TGM7: variants seen among roughly 807,000 people sequenced by gnomAD.
The protein encoded by TGM7 is transglutaminase 7.
Under a neutral mutation model 79.5 loss-of-function variants are expected in TGM7, and 74 were observed. The observed-to-expected ratio is 0.93, with a 90% CI of 0.77 to 1.13. The LOEUF (loss-of-function observed/expected upper bound fraction) is 1.13, where lower values mean the gene tolerates loss of function less well. TGM7 is among the 50% of genes most tolerant of loss of function. The pLI is 0.00. For synonymous variants in TGM7, 354 were observed against 362.5 expected (o/e 0.98, Z 0.27); for missense variants, 912 against 905.9 (o/e 1.01, Z -0.09).
intron 11 of TGM7, among the ~76,000 whole-genome samples, chr15:43,277,871 A>G (rs1305009065): frequency 6.6e-6 from 1 of 152,234 alleles, no homozygotes; most frequent in East Asian, 1.9e-4. Flanking sequence ...TTGTACCCTC[A>G]TAAGGGTGTC....
intron 8 of TGM7, 39 bp from the exon 9 acceptor site, chr15:43,282,125 C>T (rs1188821573): frequency 1.2e-6 from 2 of 1,605,858 alleles, no homozygotes; most frequent in Non-Finnish European, 1.7e-6. Flanking sequence ...GGGCCAGGGG[C>T]AGCTGGTTGT....
chr15:43,277,550 C>T (rs139590933), intron 11 of TGM7, among the ~76,000 whole-genome samples: 9 of 152,352 alleles, frequency 5.9e-5, no homozygotes, highest in Admixed American at 1.3e-4. Context: ...TCTTTCCCCA[C>T]GCTGCTGTGT....
Position 43,279,683 on chromosome 15 carries a change from AC to A in TGM7, c.1619del (p.Gly540ValfsTer14). The A allele has an allele frequency of 6.2e-7, 1 of 1,612,650 alleles. No homozygotes were observed. Among genetic ancestry groups the A allele is most frequent in the Non-Finnish European group, 8.5e-7 (1 of 1,179,452 alleles). ...RFCAQALLHG[G>X]GTQKPFWRHT... ...GCCTCCAGAAGGGCTTCTGGGTACC[AC>A]CCCCATGCAGCAGGGCCTGTGCACA... is the stretch of plus-strand genomic sequence containing the variant. On this transcript the variant is annotated frameshift_variant, in exon 10 of 13. Transcript: ENST00000452443. LOFTEE classifies it high-confidence loss of function.
chr15:43,276,707 A>C (rs1201840940), intron 12 of TGM7, 93 bp from the exon 13 acceptor site: 1 of 1,540,310 alleles, frequency 6.5e-7, no homozygotes, highest in African/African-American at 1.4e-5. Context: ...AGAGGCTCCC[A>C]CTCACCACCA....
intron 1 of TGM7, among the ~76,000 whole-genome samples, chr15:43,298,931 C>T (rs1345909207): frequency 1.3e-5 from 2 of 151,742 alleles, no homozygotes; most frequent in Non-Finnish European, 2.9e-5. Context: ...GCTACATAAA[C>T]TTGATTCCTC....
At chr15:43,301,004 C>G (rs536430952) in intron 1 of TGM7, among the ~76,000 whole-genome samples, 5 of 152,182 alleles carry the variant, frequency 3.3e-5, no homozygotes, top group East Asian at 1.9e-4. Flanking sequence ...TTGTTTGAGA[C>G]AGGATCTCAC....
intron 4 of TGM7, among the ~76,000 whole-genome samples, chr15:43,290,114 G>A (rs2042956465): frequency 6.6e-6 from 1 of 152,088 alleles, no homozygotes; most frequent in Admixed American, 6.5e-5. Context: ...ATTTCTTTTG[G>A]GGTTTTAGAC....
chr15:43,282,403 G>A (rs995422615), intron 8 of TGM7, 114 bp downstream of exon 8: 37 of 934,468 alleles, frequency 4.0e-5, no homozygotes, highest in African/African-American at 2.5e-4. Flanking sequence ...CTGGGACCTC[G>A]GGAAGAGGGT....
chr15:43,283,258 G>GATTGAT (rs1443567711), intron 7 of TGM7, among the ~76,000 whole-genome samples: 1 of 152,206 alleles, frequency 6.6e-6, no homozygotes, highest in Admixed American at 6.5e-5. Context: ...ATATTGATAT[G>GATTGAT]ATGCCTTTAT....
chr15:43,282,764 G>T, intron 7 of TGM7, 144 bp from the exon 8 acceptor site: 1 of 714,166 alleles, frequency 1.4e-6, no homozygotes, highest in Non-Finnish European at 2.3e-6. Context: ...CACAAGAATA[G>T]TACAGGCTGG....
chr15:43,284,758 G>A (rs754163539), intron 7 of TGM7, 56 bp downstream of exon 7: 1 of 1,598,190 alleles, frequency 6.3e-7, no homozygotes, highest in Non-Finnish European at 8.6e-7. Flanking sequence ...AACCAGGTCA[G>A]TTTTTCTGCC....
chr15:43,282,557 C>T lies in TGM7; in HGVS notation c.1068G>A (p.Gly356=), dbSNP rs1313591226. 2 of 1,601,652 alleles carry T rather than the reference C, an allele frequency of 1.2e-6. No homozygotes were observed. The highest frequency in any genetic ancestry group is 1.7e-6 in the Non-Finnish European group (2 of 1,173,704). The stretch of plus-strand genomic sequence containing the variant: ...GGGGAGTGGGGTCCAGAACCTGCCA[C>T]CCGTTGTATCCTGGTGGGAGATCTT... ...IRKDLPPGYN[G]WQVLDPTPQQ... Residue 356 remains glycine, a synonymous_variant, in exon 8 of 13, where the codon GGG becomes GGA. Coordinates refer to ENST00000452443, the MANE Select transcript of TGM7 (RefSeq NM_052955.3).
chr15:43,287,136 T>C, intron 6 of TGM7, 144 bp downstream of exon 6: 1 of 868,754 alleles, frequency 1.2e-6, no homozygotes, highest in Non-Finnish European at 1.8e-6. Flanking sequence ...CCCTCGAGAC[T>C]GTATGGTGTG....
rs2042968772 is a variant in TGM7, at chr15:43,292,583, TG to T, written c.439+125del. The T allele has an allele frequency of 5.9e-6, 7 of 1,195,234 alleles. No homozygotes were observed. The Middle Eastern group carries it at 1.8e-3, about 308-fold the overall frequency. The allele number at this position is 1,195,234 out of a possible 1,614,324, so 74.0% of individuals were successfully genotyped here. A position where few individuals can be genotyped will look rare whatever the true frequency, so the allele number is the denominator to read the frequency against. ...AGAAATTCTTTGTAAAGATGATTTT[TG>T]TGAGAGCACACGCTACTACATTGCA... On this transcript the variant is annotated intron_variant, in intron 3 of 12. Coordinates refer to ENST00000452443, the MANE Select transcript of TGM7 (RefSeq NM_052955.3).
chr15:43,278,175 G>A (rs2042887709), intron 11 of TGM7, among the ~76,000 whole-genome samples: 1 of 152,204 alleles, frequency 6.6e-6, no homozygotes, highest in Non-Finnish European at 1.5e-5. Flanking sequence ...GGTGGGGAGG[G>A]GCAGGCTGTT....
chr15:43,292,496 A>C (rs150180553), intron 3 of TGM7, among the ~76,000 whole-genome samples: 29 of 152,370 alleles, frequency 1.9e-4, no homozygotes, highest in African/African-American at 7.0e-4. Flanking sequence ...TTAGGCTCAT[A>C]TTAGGAAATG....
rs1156680858 is a variant in TGM7, at chr15:43,287,635, A to T, written c.593T>A (p.Ile198Asn). The T allele has an allele frequency of 1.2e-6, 2 of 1,613,994 alleles. No homozygotes were observed. The highest frequency in any genetic ancestry group is 1.1e-5 in the South Asian group (1 of 91,058). ...EEDIIDICFE[I>N]LNKSLYHLKN... ...TAAGTGATACAGGCTCTTGTTCAGG[A>T]TCTCAAAGCAGATGTCTATGATGTC... is the stretch of plus-strand genomic sequence containing the variant. The change falls in exon 5 of 13, where the codon ATC (isoleucine) becomes AAC (asparagine). Residue 198 changes from isoleucine to asparagine, a missense_variant. Coordinates refer to ENST00000452443, the MANE Select transcript of TGM7 (RefSeq NM_052955.3).
At chr15:43,293,777 T>C (rs1451331719) in intron 1 of TGM7, 146 bp from the exon 2 acceptor site, 1 of 8,804 alleles carries the variant, frequency 1.1e-4, no homozygotes, top group African/African-American at 5.3e-4. Flanking sequence ...GGAGGTGGGG[T>C]GTGCGGGGGG....
Position 43,282,447 on chromosome 15 carries a change from G to A in TGM7, c.1108+70C>T. On this transcript the variant is annotated intron_variant, in intron 8 of 12. Coordinates refer to ENST00000452443, the MANE Select transcript of TGM7 (RefSeq NM_052955.3). Reference sequence around the variant, plus strand: ...AAACGCTGCTCCTCCCTGGTCTCCTGCTCCCACGGCCAGTCACCCTAATCT... The same window carrying A: ...AAACGCTGCTCCTCCCTGGTCTCCTACTCCCACGGCCAGTCACCCTAATCT... 2.2e-6 allele frequency: 3 copies of A among 1,369,886 alleles called. No individual in the cohort carries two copies. In the South Asian group the frequency reaches 3.8e-5, roughly 17 times the overall value. The allele number at this position is 1,369,886 out of a possible 1,614,324, so 84.9% of individuals were successfully genotyped here.
Sources: gnomAD v4.1 joint callset for allele counts (sites outside exome capture counted in the v4.1 genomes callset) on GRCh38, gnomAD v4.1.1 for gene constraint, MANE v1.5 for transcripts, NCBI Gene and HGNC (gene_info 2026-07-23, HGNC 2026-07-21) for gene names.